Variants in ADAMTS17 observed in about 807,000 individuals in gnomAD.
ADAMTS17 encodes the protein ADAM metallopeptidase with thrombospondin type 1 motif 17.
A neutral mutation model predicts 141.5 loss-of-function variants in ADAMTS17; 113 were observed. The observed-to-expected ratio is 0.80, with a 90% CI of 0.69 to 0.93. ADAMTS17 has a LOEUF of 0.93. Among genes scored for constraint, ADAMTS17 ranks in the 40% least tolerant of loss-of-function variants. The pLI, the probability that ADAMTS17 is intolerant of heterozygous loss-of-function variation, is 0.00. For missense variants in ADAMTS17, 1,659 were observed against 1,517.9 expected (o/e 1.09, Z -1.54); for synonymous variants, 768 against 630.6 (o/e 1.22, Z -3.27).
At chr15:100,306,428 A>G (rs1158686083) in intron 3 of ADAMTS17, 1 of 454,934 alleles carries the variant, frequency 2.2e-6, no homozygotes, top group Non-Finnish European at 4.4e-6. Flanking sequence ...TATGGACGCC[A>G]AGCTGCAGAG....
At chr15:100,047,668 C>T (rs1161667432) in intron 18 of ADAMTS17, among the ~76,000 whole-genome samples, 2 of 152,160 alleles carry the variant, frequency 1.3e-5, no homozygotes, top group Admixed American at 1.3e-4. Flanking sequence ...GACCTCTCCT[C>T]CTCCATCGTC....
At chr15:100,110,730 T>C (rs1191078697) in intron 13 of ADAMTS17, among the ~76,000 whole-genome samples, 1 of 152,160 alleles carries the variant, frequency 6.6e-6, no homozygotes, top group African/African-American at 2.4e-5. Context: ...TTCATCCTCC[T>C]TGCTGCTCTT....
intron 3 of ADAMTS17, among the ~76,000 whole-genome samples, chr15:100,285,101 A>G (rs1329097676): frequency 1.3e-5 from 2 of 152,250 alleles, no homozygotes; most frequent in Non-Finnish European, 2.9e-5. Flanking sequence ...TGGAGGTGGT[A>G]CTGACTTGGA....
intron 9 of ADAMTS17, among the ~76,000 whole-genome samples, chr15:100,154,038 G>A (rs573496959): frequency 8.1e-4 from 123 of 152,256 alleles, no homozygotes; most frequent in Non-Finnish European, 1.5e-3. Context: ...AAAATTATCC[G>A]GGTGTGGTGG....
chr15:100,228,377 G>A (rs1276465564), intron 7 of ADAMTS17, among the ~76,000 whole-genome samples: 2 of 152,234 alleles, frequency 1.3e-5, no homozygotes, highest in African/African-American at 2.4e-5. Flanking sequence ...TAAGTGTTCT[G>A]AAGGCAGGAA....
intron 8 of ADAMTS17, among the ~76,000 whole-genome samples, chr15:100,165,826 GC>G (rs536745953): frequency 4.1e-4 from 63 of 152,144 alleles, no homozygotes; most frequent in African/African-American, 1.4e-3. Flanking sequence ...AAGAACCTCT[GC>G]CCCCCCTCAG....
At chr15:100,176,943 T>G (rs916031003) in intron 8 of ADAMTS17, among the ~76,000 whole-genome samples, 6 of 152,278 alleles carry the variant, frequency 3.9e-5, no homozygotes, top group South Asian at 2.1e-4. Context: ...TGTGTGCCCA[T>G]AATTCATTCA....
intron 12 of ADAMTS17, 123 bp from the exon 13 acceptor site, chr15:100,117,136 C>T (rs535701691): frequency 1.7e-6 from 2 of 1,148,726 alleles, no homozygotes; most frequent in South Asian, 1.3e-5. Context: ...CAAAGCCACC[C>T]CCTCTCTGCT....
At chr15:100,215,382 T>C (rs960277175) in intron 7 of ADAMTS17, among the ~76,000 whole-genome samples, 4 of 152,212 alleles carry the variant, frequency 2.6e-5, no homozygotes, top group African/African-American at 9.6e-5. Context: ...GGCGTTCTTC[T>C]GATAGCTCCA....
intron 20 of ADAMTS17, among the ~76,000 whole-genome samples, chr15:99,989,543 G>GT (rs2060652815): frequency 6.6e-6 from 1 of 152,198 alleles, no homozygotes; most frequent in Non-Finnish European, 1.5e-5. Flanking sequence ...TGGACTCTCC[G>GT]TAACCATGCA....
Position 100,225,299 on chromosome 15 carries a change from T to C in ADAMTS17, c.1076-25876A>G, listed in dbSNP as rs28707392. On this transcript the variant is annotated intron_variant, in intron 7 of 21. Coordinates refer to ENST00000268070, the MANE Select transcript of ADAMTS17 (RefSeq NM_139057.4). ...AATCATTCCTCTGTCATGTCAAAAATGTATATGGTTTCGTTAAAATAACTG... is the reference window on the plus strand; with the variant it reads ...AATCATTCCTCTGTCATGTCAAAAACGTATATGGTTTCGTTAAAATAACTG... Among the ~76,000 whole-genome samples, 1,414 of 152,352 alleles carry C rather than the reference T, an allele frequency of 9.3e-3. 26 individuals carry two copies. The highest frequency in any genetic ancestry group is 0.032 in the African/African-American group (1,344 of 41,582).
At chr15:100,054,734 C>T (rs2032425947) in intron 15 of ADAMTS17, among the ~76,000 whole-genome samples, 1 of 152,232 alleles carries the variant, frequency 6.6e-6, no homozygotes, top group Non-Finnish European at 1.5e-5. Context: ...GGCACTCTCA[C>T]ACCCTAGCTC....
chr15:99,975,953 T>A (rs1186215783), intron 21 of ADAMTS17, 92 bp downstream of exon 21: 2 of 1,401,398 alleles, frequency 1.4e-6, no homozygotes, highest in Non-Finnish European at 1.9e-6. Context: ...AAGAAGGGGC[T>A]TTCTGGCTGA....
intron 3 of ADAMTS17, among the ~76,000 whole-genome samples, chr15:100,289,134 AC>A (rs1478070476): frequency 6.6e-6 from 1 of 152,138 alleles, no homozygotes; most frequent in East Asian, 1.9e-4. Context: ...ATCCAAATAA[AC>A]CCAATCATAA....
chr15:100,081,949 T>C (rs1488440863), intron 15 of ADAMTS17, among the ~76,000 whole-genome samples: 3 of 152,244 alleles, frequency 2.0e-5, no homozygotes, highest in African/African-American at 7.2e-5. Flanking sequence ...AAAATGTCCA[T>C]AACATATATT....
chr15:99,974,384 G>A lies in ADAMTS17; in HGVS notation c.*18C>T, dbSNP rs757473475. ...TCAGACCTGAGTCTGAGCTTTGAGC[G>A]ACCCTTGGGACTGCGTGTCACGAGT... On this transcript the variant is annotated 3_prime_UTR_variant, in exon 22 of 22. Coordinates refer to ENST00000268070, the MANE Select transcript of ADAMTS17 (RefSeq NM_139057.4). The A allele has an allele frequency of 4.3e-5, 70 of 1,613,960 alleles. No homozygotes were observed. Among genetic ancestry groups the A allele is most frequent in the South Asian group, 1.3e-4 (12 of 91,050 alleles).
chr15:100,064,327 C>G (rs896841347), intron 15 of ADAMTS17, among the ~76,000 whole-genome samples: 1 of 152,294 alleles, frequency 6.6e-6, no homozygotes, highest in East Asian at 1.9e-4. Context: ...TCAGATTTCT[C>G]AACTCCAGAA....
intron 7 of ADAMTS17, among the ~76,000 whole-genome samples, chr15:100,242,692 T>C (rs7180912): frequency 0.78 from 118,447 of 152,122 alleles, 46,462 homozygotes; most frequent in East Asian, 0.87. Flanking sequence ...CAGGAGGAGC[T>C]CCTTTGCTGG....
chr15:100,084,692 C>T (rs776812876), intron 15 of ADAMTS17, among the ~76,000 whole-genome samples: 15 of 152,264 alleles, frequency 9.9e-5, no homozygotes, highest in East Asian at 1.9e-4. Context: ...CACCAATAGG[C>T]GCTGTTCTGC....
Sources: allele counts gnomAD v4.1 joint callset (sites outside exome capture counted in the v4.1 genomes callset), GRCh38; gene constraint gnomAD v4.1.1; transcripts MANE v1.5; gene names NCBI Gene and HGNC (gene_info 2026-07-23, HGNC 2026-07-21).